The following MAP2K4 variants were observed in gnomAD, a reference collection of about 807,000 sequenced individuals.
MAP2K4 encodes mitogen-activated protein kinase kinase 4, also known as dual specificity mitogen-activated protein kinase kinase 4.
In MAP2K4, 4 loss-of-function variants were observed where a neutral mutation model predicts 48.5. The ratio of observed to expected loss-of-function variants is 0.08; its 90% CI spans 0.04 to 0.19. The LOEUF is 0.19. Ranked by LOEUF, MAP2K4 falls within the 10% of genes least tolerant of loss-of-function variation. The probability of loss-of-function intolerance (pLI) is 1.00; values close to 1 mark genes in which losing one functional copy is unlikely to be tolerated. For synonymous variants in MAP2K4, 166 were observed against 173.1 expected (o/e 0.96, Z 0.32); for missense variants, 258 against 493.3 (o/e 0.52, Z 4.52).
intron 1 of MAP2K4, among the ~76,000 whole-genome samples, chr17:12,031,922 T>C (rs1969450856): frequency 6.6e-6 from 1 of 152,182 alleles, no homozygotes; most frequent in African/African-American, 2.4e-5. Context: ...TCTGTATTTG[T>C]AGGTTGAAAA....
intron 7 of MAP2K4, among the ~76,000 whole-genome samples, chr17:12,117,702 A>G (rs905447947): frequency 1.3e-5 from 2 of 152,142 alleles, no homozygotes; most frequent in Non-Finnish European, 2.9e-5. Flanking sequence ...CAGTTTGTTA[A>G]AGGGGATAAA....
intron 8 of MAP2K4, among the ~76,000 whole-genome samples, chr17:12,126,699 G>A (rs1047323629): frequency 1.3e-5 from 2 of 152,044 alleles, no homozygotes; most frequent in Non-Finnish European, 2.9e-5. Flanking sequence ...TGGATTTGCT[G>A]GGGGGTGGGG....
At position 12,055,586 on chromosome 17, in the gene MAP2K4, A is replaced by G. The variant is rs534244149; in HGVS notation, c.218+595A>G. On this transcript the variant is annotated intron_variant, in intron 2 of 10. Transcript: ENST00000353533. ...TTTCGATGTTGAGAACTATAAAGCA[A>G]GTGGTGTAAGGTATGATTAAAAAGC... is the stretch of plus-strand genomic sequence containing the variant. Among the ~76,000 whole-genome samples the G allele has an allele frequency of 3.1e-4, 47 of 152,188 alleles. 1 individual carries two copies. The highest frequency in any genetic ancestry group is 1.1e-3 in the African/African-American group (46 of 41,570).
intron 3 of MAP2K4, among the ~76,000 whole-genome samples, chr17:12,089,591 C>G (rs1157282207): frequency 6.6e-6 from 1 of 152,296 alleles, no homozygotes; most frequent in Non-Finnish European, 1.5e-5. Flanking sequence ...CTTTGGAATA[C>G]TCTACCTATT....
chr17:12,031,015 A>G (rs1969420930), intron 1 of MAP2K4, among the ~76,000 whole-genome samples: 1 of 152,054 alleles, frequency 6.6e-6, no homozygotes, highest in South Asian at 2.1e-4. Flanking sequence ...AGACCCATAC[A>G]TCTCTGTTTT....
Position 12,143,187 on chromosome 17 carries a change from A to C in MAP2K4, c.*1927A>C, listed in dbSNP as rs1031572420. On this transcript the variant is annotated 3_prime_UTR_variant, in exon 11 of 11. Transcript: ENST00000353533. The stretch of plus-strand genomic sequence containing the variant: ...CATCCTCCATTGCTCCCGGGGACTC[A>C]AGAGGAATCTGTTTCTCTGCTGTCA... The C allele has an allele frequency of 8.6e-6, 2 of 232,928 alleles. No individual in the cohort carries two copies. Among genetic ancestry groups the C allele is most frequent in the Non-Finnish European group, 1.7e-5 (2 of 117,716 alleles). The allele number at this position is 232,928 out of a possible 1,614,324, so 14.4% of individuals were successfully genotyped here.
chr17:12,034,549 A>T (rs1163234778), intron 1 of MAP2K4, among the ~76,000 whole-genome samples: 1 of 152,210 alleles, frequency 6.6e-6, no homozygotes, highest in Non-Finnish European at 1.5e-5. Flanking sequence ...ATTTATATAC[A>T]TTCACGAAAT....
chr17:12,134,936 T>C (rs1973155066), intron 9 of MAP2K4, among the ~76,000 whole-genome samples: 1 of 152,350 alleles, frequency 6.6e-6, no homozygotes, highest in South Asian at 2.1e-4. Context: ...TCTCACTCAC[T>C]CTGTCACCCA....
chr17:12,100,547 A>G (rs1459078897), intron 4 of MAP2K4, among the ~76,000 whole-genome samples: 1 of 152,188 alleles, frequency 6.6e-6, no homozygotes, highest in Non-Finnish European at 1.5e-5. Flanking sequence ...TTGTTTGTAC[A>G]TAAGCTTTTA....
rs112879913 is a variant in MAP2K4, at chr17:12,024,057, C to T, written c.115+3056C>T. On this transcript the variant is annotated intron_variant, in intron 1 of 10. Coordinates refer to ENST00000353533, the MANE Select transcript of MAP2K4 (RefSeq NM_003010.4). ...TTCTTTAGTTCATATTACTAGGTCC[C>T]ACTGTTCTCTCTAACCTGTTGATTT... 3.1e-4 allele frequency among the ~76,000 whole-genome samples: 47 copies of T among 152,266 alleles called. 1 individual carries two copies. The highest frequency in any genetic ancestry group is 1.1e-3 in the African/African-American group (46 of 41,544).
At chr17:12,035,141 C>A (rs1969553705) in intron 1 of MAP2K4, among the ~76,000 whole-genome samples, 1 of 152,220 alleles carries the variant, frequency 6.6e-6, no homozygotes, top group Non-Finnish European at 1.5e-5. Flanking sequence ...AAGTGCAAAT[C>A]TGTAATGTTT....
At chr17:12,092,545 G>A (rs1971595797) in intron 3 of MAP2K4, among the ~76,000 whole-genome samples, 1 of 152,114 alleles carries the variant, frequency 6.6e-6, no homozygotes. Flanking sequence ...TTGAATTGTT[G>A]ATTGTCATTA....
intron 4 of MAP2K4, among the ~76,000 whole-genome samples, chr17:12,105,177 T>C (rs1567662462): frequency 6.6e-6 from 1 of 152,154 alleles, no homozygotes; most frequent in East Asian, 1.9e-4. Context: ...TACTTTAATA[T>C]AAGCTTTAGG....
chr17:12,129,363 T>C, intron 9 of MAP2K4, 76 bp downstream of exon 9: 4 of 1,557,622 alleles, frequency 2.6e-6, no homozygotes, highest in Non-Finnish European at 2.7e-6. Context: ...GCAGCATTGG[T>C]ACTTTACATG....
At chr17:12,078,726 G>A (rs575143971) in intron 2 of MAP2K4, among the ~76,000 whole-genome samples, 1 of 152,082 alleles carries the variant, frequency 6.6e-6, no homozygotes, top group East Asian at 1.9e-4. Context: ...TACTGTTTAT[G>A]TTCTTTCTTT....
At chr17:12,063,768 T>C (rs892508429) in intron 2 of MAP2K4, among the ~76,000 whole-genome samples, 1 of 150,448 alleles carries the variant, frequency 6.6e-6, no homozygotes, top group Non-Finnish European at 1.5e-5. Context: ...AGGTCAGGAG[T>C]TCAAGACCAG....
chr17:12,062,582 G>C (rs1970484985), intron 2 of MAP2K4, among the ~76,000 whole-genome samples: 1 of 152,098 alleles, frequency 6.6e-6, no homozygotes, highest in Admixed American at 6.5e-5. Context: ...TCCTGCCTCG[G>C]CCTCCCAGAG....
At chr17:12,094,069 GAA>G (rs1047918122) in intron 3 of MAP2K4, among the ~76,000 whole-genome samples, 3 of 152,062 alleles carry the variant, frequency 2.0e-5, no homozygotes, top group African/African-American at 7.2e-5. Context: ...AGAAAGAAGG[GAA>G]ACTTTCCTTA....
intron 4 of MAP2K4, 123 bp from the exon 5 acceptor site, chr17:12,107,667 T>C: frequency 2.4e-6 from 2 of 837,288 alleles, no homozygotes; most frequent in Non-Finnish European, 1.9e-6. Flanking sequence ...CAAAAATTAT[T>C]ACTAGTTTGA....
Sources: gnomAD v4.1 joint callset for allele counts (sites outside exome capture counted in the v4.1 genomes callset) on GRCh38, gnomAD v4.1.1 for gene constraint, MANE v1.5 for transcripts, NCBI Gene and HGNC (gene_info 2026-07-23, HGNC 2026-07-21) for gene names.